The following LRRC37A2 variants were observed in gnomAD, a reference collection of about 807,000 sequenced individuals.
LRRC37A2 encodes the protein leucine rich repeat containing 37 member A2, also known as leucine-rich repeat-containing protein 37A2.
A neutral mutation model predicts 68.8 loss-of-function variants in LRRC37A2; 9 were observed. The observed-to-expected ratio is 0.13, with a 90% CI of 0.08 to 0.23. LRRC37A2 has a LOEUF of 0.23. LRRC37A2 is among the 10% of genes least tolerant of loss of function. The pLI is 1.00. For missense variants in LRRC37A2, 168 were observed against 950.4 expected, an observed-to-expected ratio of 0.18 and a Z score of 10.82; for synonymous variants, 63 against 367.6, an observed-to-expected ratio of 0.17 and a Z score of 9.48.
At chr17:46,880,513 T>C in the LRRC37A2 span, among the ~76,000 whole-genome samples, 1 of 152,204 alleles carries the variant, frequency 6.6e-6, no homozygotes, top group Non-Finnish European at 1.5e-5. Flanking sequence ...GACATCCTAG[T>C]GGGTGAGAAA....
chr17:46,710,295 C>T, the LRRC37A2 span, among the ~76,000 whole-genome samples: 1 of 152,040 alleles, frequency 6.6e-6, no homozygotes, highest in Non-Finnish European at 1.5e-5. Flanking sequence ...GGAGGTATAA[C>T]CTTTGAGATT....
chr17:46,392,509 TTCTCTCTCTC>T, the LRRC37A2 span, among the ~76,000 whole-genome samples: 8 of 42,294 alleles, frequency 1.9e-4, 1 homozygote, highest in East Asian at 2.2e-3. Context: ...TTTTCTCTCT[TTCTCTCTCTC>T]TCTCTCTCTC....
chr17:46,490,007 A>G, the LRRC37A2 span, among the ~76,000 whole-genome samples: 3 of 150,628 alleles, frequency 2.0e-5, no homozygotes, highest in Non-Finnish European at 4.4e-5. Context: ...TACCATGGAA[A>G]TGGAGTCTTC....
At chr17:46,392,417 C>CTT in the LRRC37A2 span, among the ~76,000 whole-genome samples, 7 of 58,408 alleles carry the variant, frequency 1.2e-4, no homozygotes, top group African/African-American at 2.8e-4. Context: ...CTTTCTCTCT[C>CTT]TCTCTTTCTT....
intron 8 of LRRC37A2, among the ~76,000 whole-genome samples, chr17:46,541,165 C>T (rs2055240071): frequency 7.1e-6 from 1 of 141,584 alleles, no homozygotes; most frequent in Non-Finnish European, 1.5e-5. Context: ...GATTTCTGTT[C>T]CTATACTTTT....
the LRRC37A2 span, among the ~76,000 whole-genome samples, chr17:46,720,790 C>G: frequency 6.6e-6 from 1 of 152,288 alleles, no homozygotes; most frequent in African/African-American, 2.4e-5. Flanking sequence ...ACTCTTTCAG[C>G]TCCCAGAAGA....
At chr17:47,038,129 C>T in the LRRC37A2 span, among the ~76,000 whole-genome samples, 1 of 152,030 alleles carries the variant, frequency 6.6e-6, no homozygotes, top group Non-Finnish European at 1.5e-5. Flanking sequence ...CATACTGAGA[C>T]CTTATCTCTA....
the LRRC37A2 span, among the ~76,000 whole-genome samples, chr17:46,786,199 G>T: frequency 6.6e-6 from 1 of 152,012 alleles, no homozygotes; most frequent in Admixed American, 6.5e-5. Context: ...CTGGGGAGGA[G>T]GAAAGAGAGT....
the LRRC37A2 span, among the ~76,000 whole-genome samples, chr17:46,409,845 T>C: frequency 9.3e-6 from 1 of 107,168 alleles, no homozygotes; most frequent in African/African-American, 3.2e-5. Flanking sequence ...CATAATTTGC[T>C]AGGCTCCCAT....
chr17:46,937,858 T>A, the LRRC37A2 span: 2 of 152,642 alleles, frequency 1.3e-5, no homozygotes, highest in Non-Finnish European at 2.9e-5. Flanking sequence ...ACCATTGTTT[T>A]CAGTATGTAT....
chr17:46,550,401 G>GA lies in LRRC37A2; in HGVS notation c.4705-14_4705-13insA. On this transcript the variant is annotated splice_polypyrimidine_tract_variant and intron_variant, in intron 10 of 14. Transcript: ENST00000576629. ...TCTCATTCTGGTTTTTTTTTTGTGTGTTTTTTTTTTTAGCTCAAAAAAGAA... is the reference window on the plus strand; with the variant it reads ...TCTCATTCTGGTTTTTTTTTTGTGTGATTTTTTTTTTTAGCTCAAAAAAGAA... 1.7e-6 allele frequency: 1 copy of GA among 573,074 alleles called. No homozygotes were observed. Among genetic ancestry groups the GA allele is most frequent in the Non-Finnish European group, 2.6e-6 (1 of 383,304 alleles). 35.5% of individuals were successfully genotyped at this position (573,074 alleles called of 1,614,324 possible).
the LRRC37A2 span, among the ~76,000 whole-genome samples, chr17:46,867,888 TG>T: frequency 2.6e-5 from 4 of 151,680 alleles, no homozygotes; most frequent in Non-Finnish European, 5.9e-5. Context: ...GGTCATCGCA[TG>T]TGTGGAGGTG....
chr17:46,794,613 C>A, the LRRC37A2 span, among the ~76,000 whole-genome samples: 1 of 152,168 alleles, frequency 6.6e-6, no homozygotes, highest in African/African-American at 2.4e-5. Context: ...CACCTTAACC[C>A]ATTCTCACAC....
At chr17:46,835,908 C>A in the LRRC37A2 span, among the ~76,000 whole-genome samples, 1 of 152,194 alleles carries the variant, frequency 6.6e-6, no homozygotes, top group Non-Finnish European at 1.5e-5. Flanking sequence ...GAGACCCGGC[C>A]CTTCTCTCTG....
At chr17:46,829,701 T>G in the LRRC37A2 span, among the ~76,000 whole-genome samples, 1 of 148,218 alleles carries the variant, frequency 6.7e-6, no homozygotes, top group South Asian at 2.1e-4. Flanking sequence ...CTCTTTCACC[T>G]GAGGGGATGG....
the LRRC37A2 span, among the ~76,000 whole-genome samples, chr17:46,403,747 G>A: frequency 4.4e-5 from 4 of 91,304 alleles, no homozygotes; most frequent in South Asian, 1.6e-3. Flanking sequence ...TGCCCAGACT[G>A]GAGTACAGTG....
chr17:46,959,193 G>A, the LRRC37A2 span, among the ~76,000 whole-genome samples: 1 of 152,192 alleles, frequency 6.6e-6, no homozygotes, highest in South Asian at 2.1e-4. Flanking sequence ...TGTCACCTGT[G>A]TCCTACCACC....
chr17:46,545,358 G>A (rs1206214905), intron 8 of LRRC37A2, among the ~76,000 whole-genome samples: 1 of 139,428 alleles, frequency 7.2e-6, no homozygotes, highest in Non-Finnish European at 1.5e-5. Context: ...GGCTGAATTT[G>A]GAGGATCCCT....
At chr17:46,815,108 C>T in the LRRC37A2 span, among the ~76,000 whole-genome samples, 8 of 152,238 alleles carry the variant, frequency 5.3e-5, 1 homozygote, top group Admixed American at 4.6e-4. Context: ...TCCATCTGCA[C>T]GTCCATCGCT....
Sources: gnomAD v4.1 joint callset for allele counts (sites outside exome capture counted in the v4.1 genomes callset) on GRCh38, gnomAD v4.1.1 for gene constraint, MANE v1.5 for transcripts, NCBI Gene and HGNC (gene_info 2026-07-23, HGNC 2026-07-21) for gene names.